SPTBN2: variants seen among roughly 807,000 people sequenced by gnomAD.
SPTBN2 encodes the protein spectrin beta, non-erythrocytic 2, also known as spectrin beta chain, non-erythrocytic 2.
Under a neutral mutation model 284.2 loss-of-function variants are expected in SPTBN2, and 107 were observed. That is an observed-to-expected ratio of 0.38 (90% CI 0.32 to 0.44). The LOEUF is 0.44. Ranked by LOEUF, SPTBN2 falls within the 20% of genes least tolerant of loss-of-function variation. SPTBN2 has a pLI of 1.00. For synonymous variants in SPTBN2, 1,289 were observed against 1,354.8 expected (o/e 0.95, Z 1.07); for missense variants, 2,569 against 3,287.1 (o/e 0.78, Z 5.34).
chr11:66,738,231 C>CA (rs1415667700), intron 1 of SPTBN2, among the ~76,000 whole-genome samples: 3 of 151,176 alleles, frequency 2.0e-5, no homozygotes, highest in South Asian at 2.1e-4. Flanking sequence ...AACAAACAAA[C>CA]AAAAAAAAGA....
In SPTBN2 at chr11:66,693,696, T is replaced by G; in HGVS notation, c.4593+76A>C. 1 of 1,442,248 alleles carries G rather than the reference T, an allele frequency of 6.9e-7. No homozygotes were observed. The highest frequency in any genetic ancestry group is 9.6e-7 in the Non-Finnish European group (1 of 1,047,110). The allele number at this position is 1,442,248 out of a possible 1,614,324, so 89.3% of individuals were successfully genotyped here. On this transcript the variant is annotated intron_variant, in intron 23 of 37. Transcript: ENST00000533211. The surrounding 1 kb of genome is among the most constrained non-coding windows in gnomAD (Gnocchi z 5.7). ...GTTACACTCAGCATCGAGGGGGGCCTGGTCTTAAGAAAAAACACGTCCAAG... is the reference window on the plus strand; with the variant it reads ...GTTACACTCAGCATCGAGGGGGGCCGGGTCTTAAGAAAAAACACGTCCAAG...
At chr11:66,742,033 G>C (rs1942899146) in intron 1 of SPTBN2, among the ~76,000 whole-genome samples, 1 of 152,094 alleles carries the variant, frequency 6.6e-6, no homozygotes, top group African/African-American at 2.4e-5. Flanking sequence ...TAATGCCCAG[G>C]TTGGTCTCAA....
chr11:66,683,659 C>G lies in SPTBN2; in HGVS notation c.*2212G>C, dbSNP rs532448469. Among the ~76,000 whole-genome samples, 4 of 152,384 alleles carry G rather than the reference C, an allele frequency of 2.6e-5. No homozygotes were observed. In the South Asian group the frequency reaches 8.3e-4, roughly 32 times the overall value. ...AGTCTCACCTCTCCGTTGACAATGC[C>G]TGCCCCTACTGCAGGACTGCTTCAA... On this transcript the variant is annotated 3_prime_UTR_variant, in exon 38 of 38. Coordinates refer to ENST00000533211, the MANE Select transcript of SPTBN2 (RefSeq NM_006946.4).
chr11:66,688,360 G>A (rs1040955739), intron 31 of SPTBN2, 49 bp from the exon 32 acceptor site: 2 of 1,550,432 alleles, frequency 1.3e-6, no homozygotes, highest in African/African-American at 1.4e-5. Context: ...GTGTAAGAGG[G>A]CCAGGGAAAC....
In SPTBN2 at chr11:66,694,066, C is replaced by T; in HGVS notation, c.4503+73G>A. 3.2e-6 allele frequency: 5 copies of T among 1,561,134 alleles called. No individual in the cohort carries two copies. The South Asian group carries it at 5.6e-5, about 17-fold the overall frequency. The stretch of plus-strand genomic sequence containing the variant: ...GGAATAGAGCCCTGCTGGCATCTCC[C>T]TGGCATCCAGGAGGGAGGCTGGAGA... On this transcript the variant is annotated intron_variant, in intron 22 of 37. Transcript: ENST00000533211.
At chr11:66,690,903 C>T (rs956259248) in intron 27 of SPTBN2, among the ~76,000 whole-genome samples, 4 of 152,130 alleles carry the variant, frequency 2.6e-5, no homozygotes, top group East Asian at 1.9e-4. Context: ...CTGCAACCTC[C>T]GCCTCCTGGG....
chr11:66,733,621 A>AG (rs1369572134), upstream of SPTBN2, among the ~76,000 whole-genome samples: 2 of 152,190 alleles, frequency 1.3e-5, no homozygotes, highest in Non-Finnish European at 2.9e-5. Context: ...TGGACTTTAA[A>AG]GGGGAGGTCT....
At position 66,687,181 on chromosome 11, in the gene SPTBN2, G is replaced by A. The variant is rs186232313; in HGVS notation, c.6723-14C>T. The A allele has an allele frequency of 9.7e-4, 1,567 of 1,613,276 alleles. 9 individuals carry two copies. The African/African-American group carries it at 0.017, about 17-fold the overall frequency. The stretch of plus-strand genomic sequence containing the variant: ...TTCTGCCAGGACCTGCGAGGGACGC[G>A]GTGCTGACTGGCCGGCCTCAGTGGC... On this transcript the variant is annotated splice_polypyrimidine_tract_variant and intron_variant, in intron 35 of 37. Coordinates refer to ENST00000533211, the MANE Select transcript of SPTBN2 (RefSeq NM_006946.4). This position sits in a 1 kb window ranked among gnomAD's most constrained non-coding sequence, Gnocchi z 5.2.
chr11:66,727,403 C>T (rs1338198081), intron 1 of SPTBN2, among the ~76,000 whole-genome samples: 1 of 152,172 alleles, frequency 6.6e-6, no homozygotes, highest in Non-Finnish European at 1.5e-5. Context: ...ACCTGCACCT[C>T]ACACAAGCAT....
intron 37 of SPTBN2, 126 bp from the exon 38 acceptor site, chr11:66,686,230 G>GTGGC: frequency 1.4e-6 from 2 of 1,382,526 alleles, no homozygotes; most frequent in Non-Finnish European, 2.1e-6. Context: ...TTAGGAGAAT[G>GTGGC]TGGCCGGCTT....
chr11:66,697,837 C>G (rs753096158), intron 20 of SPTBN2, among the ~76,000 whole-genome samples: 7 of 152,148 alleles, frequency 4.6e-5, no homozygotes, highest in Non-Finnish European at 8.8e-5. Context: ...TCGGACCCCA[C>G]GCAGGGCCTA....
chr11:66,691,200 T>C lies in SPTBN2; in HGVS notation c.5565+84A>G. Reference sequence around the variant, plus strand: ...CCGTCCTCCCAGCATTTCTGAGCTCTACCCTAGCTCCTGGGAACTCTCCCC... The same window carrying C: ...CCGTCCTCCCAGCATTTCTGAGCTCCACCCTAGCTCCTGGGAACTCTCCCC... On this transcript the variant is annotated intron_variant, in intron 27 of 37. Transcript: ENST00000533211. This position sits in a 1 kb window ranked among gnomAD's most constrained non-coding sequence, Gnocchi z 8.0. 1 of 1,471,900 alleles carries C rather than the reference T, an allele frequency of 6.8e-7. No individual in the cohort carries two copies. The highest frequency in any genetic ancestry group is 9.0e-7 in the Non-Finnish European group (1 of 1,108,404). The allele number at this position is 1,471,900 out of a possible 1,614,324, so 91.2% of individuals were successfully genotyped here. A position where few individuals can be genotyped will look rare whatever the true frequency, so the allele number is the denominator to read the frequency against.
intron 36 of SPTBN2, chr11:66,686,671 C>T (rs1389159957): frequency 3.1e-6 from 2 of 637,600 alleles, no homozygotes; most frequent in Non-Finnish European, 5.5e-6. Context: ...CAGCCCGGGC[C>T]TCCTGCTCCG....
At chr11:66,722,195 C>T (rs1354878581) in intron 1 of SPTBN2, among the ~76,000 whole-genome samples, 1 of 152,174 alleles carries the variant, frequency 6.6e-6, no homozygotes, top group African/African-American at 2.4e-5. Flanking sequence ...ATATCCCTGC[C>T]ATTGACATGC....
chr11:66,688,585 C>G, intron 31 of SPTBN2, 68 bp downstream of exon 31: 1 of 1,593,808 alleles, frequency 6.3e-7, no homozygotes, highest in Non-Finnish European at 8.6e-7. Flanking sequence ...CATGTCTTCT[C>G]CAAGCAGAAG....
rs1242639164 is a variant in SPTBN2 at position 66,685,557 on chromosome 11, C to G, written c.*314G>C. ...CAGGGGCAGCCACTCCCCACATGGCCTATGTTGAGGGTGCGGCACTGTCCA... is the reference window on the plus strand; with the variant it reads ...CAGGGGCAGCCACTCCCCACATGGCGTATGTTGAGGGTGCGGCACTGTCCA... On this transcript the variant is annotated 3_prime_UTR_variant, in exon 38 of 38. Transcript: ENST00000533211. The surrounding 1 kb of genome is among the most constrained non-coding windows in gnomAD (Gnocchi z 4.4). The G allele has an allele frequency of 1.8e-5, 7 of 386,688 alleles. No homozygotes were observed. Among genetic ancestry groups the G allele is most frequent in the African/African-American group, 8.4e-5 (4 of 47,588 alleles). The allele number at this position is 386,688 out of a possible 1,614,324, so 24.0% of individuals were successfully genotyped here.
intron 3 of SPTBN2, among the ~76,000 whole-genome samples, chr11:66,716,647 T>C (rs1942165007): frequency 6.6e-6 from 1 of 152,328 alleles, no homozygotes; most frequent in East Asian, 1.9e-4. Flanking sequence ...CCCCAATGTC[T>C]CATCTGTAAA....
chr11:66,704,807 C>T lies in SPTBN2; in HGVS notation c.2469G>A (p.Val823=). The change falls in exon 15 of 38, where the codon GTG becomes GTA. Residue 823 remains valine, a synonymous_variant. Transcript: ENST00000533211. ...LPPTLSRTPE[V]QSRVPTLERH... ...GCTCCAGGGTGGGCACCCGGCTCTG[C>T]ACCTCGGGCGTGCGGCTCAGTGTGG... 3 of 1,605,762 alleles carry T rather than the reference C, an allele frequency of 1.9e-6. No homozygotes were observed. Among genetic ancestry groups the T allele is most frequent in the Non-Finnish European group, 2.5e-6 (3 of 1,178,876 alleles).
chr11:66,715,327 G>A lies in SPTBN2; in HGVS notation c.378C>T (p.Leu126=). 1.2e-6 allele frequency: 2 copies of A among 1,614,230 alleles called. No homozygotes were observed. The highest frequency in any genetic ancestry group is 1.3e-5 in the African/African-American group (1 of 75,052). ...LENVDKALQF[L]KEQKVHLENM... ...TTTCCAAGTGCACTTTCTGCTCCTT[G>A]AGGAACTGCAGTGCCTTGTCCACGT... Residue 126 remains leucine, a synonymous_variant, in exon 5 of 38, where the codon CTC becomes CTT. Coordinates refer to ENST00000533211, the MANE Select transcript of SPTBN2 (RefSeq NM_006946.4). This position sits in a 1 kb window ranked among gnomAD's most constrained non-coding sequence, Gnocchi z 5.3.
Sources: gnomAD v4.1 joint callset for allele counts (sites outside exome capture counted in the v4.1 genomes callset) on GRCh38, gnomAD v4.1.1 for gene constraint, Gnocchi (gnomAD v3.1) non-coding constraint, MANE v1.5 for transcripts, NCBI Gene and HGNC (gene_info 2026-07-23, HGNC 2026-07-21) for gene names.